Variants in EPHA6 observed in about 807,000 individuals in gnomAD.
EPHA6 encodes EPH receptor A6.
A neutral mutation model predicts 112.0 loss-of-function variants in EPHA6; 50 were observed. That is an observed-to-expected ratio of 0.45 (90% CI 0.36 to 0.56). EPHA6 has a LOEUF of 0.56. EPHA6 is among the 20% of genes least tolerant of loss of function. EPHA6 has a pLI of 0.00. For missense variants in EPHA6, 1,280 were observed against 1,417.4 expected, an observed-to-expected ratio of 0.90 and a Z score of 1.56; for synonymous variants, 529 against 490.7, an observed-to-expected ratio of 1.08 and a Z score of -1.03.
chr3:97,494,156 A>T (rs2091920134), intron 10 of EPHA6, among the ~76,000 whole-genome samples: 2 of 152,194 alleles, frequency 1.3e-5, no homozygotes, highest in Admixed American at 6.5e-5. Context: ...ATTTTATCAC[A>T]ACTTTTATTA....
At chr3:97,518,288 G>A (rs78841635) in intron 10 of EPHA6, among the ~76,000 whole-genome samples, 1 of 152,160 alleles carries the variant, frequency 6.6e-6, no homozygotes, top group African/African-American at 2.4e-5. Flanking sequence ...CATTATATCA[G>A]GTAACATCTC....
chr3:97,449,215 A>G (rs1276084562), intron 7 of EPHA6, among the ~76,000 whole-genome samples: 1 of 152,146 alleles, frequency 6.6e-6, no homozygotes, highest in African/African-American at 2.4e-5. Flanking sequence ...CCGGGACCTC[A>G]ACATGCTGAA....
Position 97,484,180 on chromosome 3 carries a change from G to C in EPHA6, c.2200+121G>C, listed in dbSNP as rs1577540884. On this transcript the variant is annotated intron_variant, in intron 10 of 17. Transcript: ENST00000389672. ...ATTGAAAAGTTTTAACAAGTGAGAA[G>C]TAAAGTGATCTTGTATATGTTATTT... 10 of 818,048 alleles carry C rather than the reference G, an allele frequency of 1.2e-5. No homozygotes were observed. In the South Asian group the frequency reaches 3.2e-4, roughly 26 times the overall value. The allele number at this position is 818,048 out of a possible 1,614,324, so 50.7% of individuals were successfully genotyped here.
At chr3:97,196,089 A>G (rs921775077) in intron 3 of EPHA6, among the ~76,000 whole-genome samples, 1 of 148,408 alleles carries the variant, frequency 6.7e-6, no homozygotes, top group African/African-American at 2.5e-5. Context: ...CTCTCTCTCT[A>G]TCCCCTCTTA....
chr3:97,131,512 A>G (rs1309410799), intron 3 of EPHA6, among the ~76,000 whole-genome samples: 1 of 152,148 alleles, frequency 6.6e-6, no homozygotes, highest in Non-Finnish European at 1.5e-5. Flanking sequence ...AGTAAGTATG[A>G]GGTATTGGAA....
chr3:96,987,042 G>A (rs1035837475), intron 2 of EPHA6, among the ~76,000 whole-genome samples: 16 of 152,150 alleles, frequency 1.1e-4, no homozygotes, highest in African/African-American at 3.9e-4. Flanking sequence ...ACAACCCTGT[G>A]AAACAGGTAC....
intron 2 of EPHA6, among the ~76,000 whole-genome samples, chr3:96,964,210 G>A (rs2042042960): frequency 6.6e-6 from 1 of 152,002 alleles, no homozygotes; most frequent in African/African-American, 2.4e-5. Flanking sequence ...AATTATTATT[G>A]AAGATCCAGT....
intron 6 of EPHA6, among the ~76,000 whole-genome samples, chr3:97,408,609 GC>G (rs2087515747): frequency 6.6e-6 from 1 of 151,964 alleles, no homozygotes; most frequent in Non-Finnish European, 1.5e-5. Context: ...CAAGGCCAAG[GC>G]TCCAGAAGCT....
chr3:96,974,059 A>G (rs2042423495), intron 2 of EPHA6, among the ~76,000 whole-genome samples: 1 of 146,004 alleles, frequency 6.8e-6, no homozygotes, highest in Admixed American at 6.9e-5. Context: ...ATATAATAAA[A>G]TTATATATTT....
chr3:97,189,886 A>T lies in EPHA6; in HGVS notation c.1115-36378A>T, dbSNP rs1413288242. ...TTTAAATGCATTATGATTGGCCACA[A>T]TTTTTACGTGCTATTCCATGAGCTC... is the stretch of plus-strand genomic sequence containing the variant. On this transcript the variant is annotated intron_variant, in intron 3 of 17. Transcript: ENST00000389672. Among the ~76,000 whole-genome samples, 3 of 152,080 alleles carry T rather than the reference A, an allele frequency of 2.0e-5. No individual in the cohort carries two copies. In the East Asian group the frequency reaches 5.8e-4, roughly 29 times the overall value.
intron 3 of EPHA6, among the ~76,000 whole-genome samples, chr3:96,998,468 G>A (rs1341721901): frequency 6.6e-6 from 1 of 151,610 alleles, no homozygotes; most frequent in African/African-American, 2.4e-5. Flanking sequence ...TTTATTTAAT[G>A]GATATTTAAG....
At chr3:97,500,078 G>A (rs938357816) in intron 10 of EPHA6, among the ~76,000 whole-genome samples, 37 of 151,916 alleles carry the variant, frequency 2.4e-4, no homozygotes, top group African/African-American at 8.7e-4. Context: ...TTTTTCCTGT[G>A]TAAATTTTGT....
At chr3:97,470,772 G>C (rs2091206391) in intron 7 of EPHA6, among the ~76,000 whole-genome samples, 1 of 151,412 alleles carries the variant, frequency 6.6e-6, no homozygotes, top group South Asian at 2.1e-4. Context: ...TTGGATAATT[G>C]CTTCCTCTTA....
chr3:96,953,701 A>G (rs188701145), intron 2 of EPHA6, among the ~76,000 whole-genome samples: 2 of 150,436 alleles, frequency 1.3e-5, no homozygotes, highest in Admixed American at 1.4e-4. Context: ...CTGAGAGACA[A>G]CCATCTATAT....
chr3:97,000,953 A>G (rs992989617), intron 3 of EPHA6, among the ~76,000 whole-genome samples: 1 of 143,090 alleles, frequency 7.0e-6, no homozygotes, highest in African/African-American at 2.7e-5. Flanking sequence ...TTTTGATCTG[A>G]AAGATTAAAG....
intron 3 of EPHA6, among the ~76,000 whole-genome samples, chr3:97,013,378 A>C (rs1375596308): frequency 6.6e-5 from 10 of 152,140 alleles, no homozygotes. Context: ...TGAACCATAG[A>C]CTAAATTTCC....
chr3:97,706,515 C>T (rs1291451026), intron 14 of EPHA6, among the ~76,000 whole-genome samples: 1 of 152,206 alleles, frequency 6.6e-6, no homozygotes, highest in Admixed American at 6.5e-5. Context: ...GCTATTGCTG[C>T]TGTCTCCAAC....
intron 1 of EPHA6, among the ~76,000 whole-genome samples, chr3:96,838,842 A>G (rs1195533234): frequency 6.6e-6 from 1 of 152,070 alleles, no homozygotes; most frequent in Non-Finnish European, 1.5e-5. Flanking sequence ...CCCTCCCCCA[A>G]TAAATATAAT....
chr3:97,564,170 T>C (rs1197782442), intron 11 of EPHA6, among the ~76,000 whole-genome samples: 1 of 152,132 alleles, frequency 6.6e-6, no homozygotes, highest in Non-Finnish European at 1.5e-5. Flanking sequence ...TAGGGAGTCA[T>C]TTGATTCTAT....
Sources: gnomAD v4.1 joint callset for allele counts (sites outside exome capture counted in the v4.1 genomes callset) on GRCh38, gnomAD v4.1.1 for gene constraint, MANE v1.5 for transcripts, NCBI Gene and HGNC (gene_info 2026-07-23, HGNC 2026-07-21) for gene names.